The following DHX57 variants were observed in gnomAD, a reference collection of about 807,000 sequenced individuals.
DHX57 encodes putative ATP-dependent RNA helicase DHX57.
A neutral mutation model predicts 156.2 loss-of-function variants in DHX57; 105 were observed. The ratio of observed to expected loss-of-function variants is 0.67; its 90% confidence interval spans 0.57 to 0.79. DHX57 has a LOEUF of 0.79. DHX57 is among the 30% of genes least tolerant of loss of function. The pLI, the probability that DHX57 is intolerant of heterozygous loss-of-function variation, is 0.00. For missense variants in DHX57, 1,847 were observed against 1,661.9 expected, an observed-to-expected ratio of 1.11 and a Z score of -1.94; for synonymous variants, 704 against 595.6, an observed-to-expected ratio of 1.18 and a Z score of -2.65.
intron 12 of DHX57, among the ~76,000 whole-genome samples, chr2:38,840,417 G>T (rs1671925039): frequency 6.8e-6 from 1 of 146,004 alleles, no homozygotes; most frequent in South Asian, 2.2e-4. Flanking sequence ...GTCTTGCTCT[G>T]TTGCCCAGGC....
intron 4 of DHX57, 111 bp from the exon 5 acceptor site, chr2:38,861,948 G>C: frequency 7.7e-7 from 1 of 1,291,810 alleles, no homozygotes; most frequent in Admixed American, 2.7e-5. Context: ...CATAGGCAGG[G>C]CTTGTATTTT....
intron 11 of DHX57, among the ~76,000 whole-genome samples, chr2:38,845,315 C>T (rs1672213508): frequency 6.6e-6 from 1 of 151,986 alleles, no homozygotes; most frequent in Non-Finnish European, 1.5e-5. Flanking sequence ...AACTCATATT[C>T]AATGGTAGTG....
intron 8 of DHX57, chr2:38,854,382 C>T (rs1672771163): frequency 2.5e-6 from 1 of 398,146 alleles, no homozygotes; most frequent in African/African-American, 2.1e-5. Context: ...TTAAGATTTT[C>T]ATAAAAAGCA....
chr2:38,805,273 C>T (rs1012256495), intron 22 of DHX57, among the ~76,000 whole-genome samples: 1 of 152,136 alleles, frequency 6.6e-6, no homozygotes, highest in Admixed American at 6.5e-5. Flanking sequence ...CCTTTCCAGG[C>T]TTTGTGAACA....
chr2:38,824,660 G>T (rs3099978), intron 16 of DHX57, among the ~76,000 whole-genome samples: 137,719 of 151,720 alleles, frequency 0.91, 64,036 homozygotes, highest in South Asian at 1. Flanking sequence ...TTTATTTTTT[G>T]GGGGGGTATA....
At chr2:38,826,948 T>C (rs943429782) in intron 14 of DHX57, among the ~76,000 whole-genome samples, 2 of 151,980 alleles carry the variant, frequency 1.3e-5, no homozygotes, top group Non-Finnish European at 2.9e-5. Context: ...CTAGCCAACA[T>C]GGTGAAACCT....
At chr2:38,832,436 C>CA (rs1224337796) in intron 13 of DHX57, among the ~76,000 whole-genome samples, 3 of 149,284 alleles carry the variant, frequency 2.0e-5, no homozygotes, top group African/African-American at 4.9e-5. Flanking sequence ...GACTCTGTCT[C>CA]AAAAAAAAGA....
At chr2:38,804,657 ACC>A (rs1190618296) in intron 22 of DHX57, among the ~76,000 whole-genome samples, 1 of 139,758 alleles carries the variant, frequency 7.2e-6, no homozygotes, top group East Asian at 2.5e-4. Flanking sequence ...TGCATCTCCC[ACC>A]ACTCTCACCC....
chr2:38,815,484 A>G, intron 20 of DHX57, 37 bp downstream of exon 20: 1 of 1,613,344 alleles, frequency 6.2e-7, no homozygotes, highest in South Asian at 1.1e-5. Flanking sequence ...TTAGGTGCTA[A>G]TTAAAGAGAA....
chr2:38,862,203 C>T lies in DHX57; in HGVS notation c.514G>A (p.Val172Met). ...GTAAATTCTGGAACATAAGGCTCCA[C>T]TGAGGCTAAGCCAGCATATTCCAAA... is the stretch of plus-strand genomic sequence containing the variant. The part of the protein sequence containing the change: ...DPLEYAGLAS[V>M]EPYVPEFTVS... Residue 172 changes from valine to methionine, a missense_variant, in exon 4 of 24, where the codon GTG becomes ATG. Transcript: ENST00000457308. 6.2e-7 allele frequency: 1 copy of T among 1,613,660 alleles called. No homozygotes were observed. The highest frequency in any genetic ancestry group is 8.5e-7 in the Non-Finnish European group (1 of 1,179,700).
intron 13 of DHX57, among the ~76,000 whole-genome samples, chr2:38,832,116 A>G (rs1047495716): frequency 5.3e-5 from 8 of 152,056 alleles, no homozygotes; most frequent in African/African-American, 1.9e-4. Context: ...GCATTTAAAT[A>G]ATTTTATATG....
intron 19 of DHX57, among the ~76,000 whole-genome samples, chr2:38,818,292 C>CA (rs1376828156): frequency 6.6e-6 from 1 of 152,076 alleles, no homozygotes; most frequent in Non-Finnish European, 1.5e-5. Flanking sequence ...TTTGGGTGGC[C>CA]AAGGTGGGCG....
chr2:38,827,218 C>A (rs1671132265), intron 14 of DHX57, among the ~76,000 whole-genome samples: 1 of 151,710 alleles, frequency 6.6e-6, no homozygotes, highest in South Asian at 2.1e-4. Context: ...GAACCAAAAA[C>A]CTCATACCAA....
intron 13 of DHX57, among the ~76,000 whole-genome samples, chr2:38,835,735 G>A (rs1367905913): frequency 1.3e-5 from 2 of 152,150 alleles, no homozygotes; most frequent in Non-Finnish European, 2.9e-5. Context: ...AAGATGCCAC[G>A]GTTGTTATTG....
intron 17 of DHX57, among the ~76,000 whole-genome samples, chr2:38,822,420 G>A (rs1670870448): frequency 6.7e-6 from 1 of 148,746 alleles, no homozygotes; most frequent in Non-Finnish European, 1.5e-5. Context: ...TTTTTTAGAC[G>A]GAGCCTTGCT....
At chr2:38,799,750 CAAAAAAAAA>C (rs34097778) in intron 23 of DHX57, among the ~76,000 whole-genome samples, 1 of 99,114 alleles carries the variant, frequency 1.0e-5, no homozygotes, top group Non-Finnish European at 1.9e-5. Flanking sequence ...AACTCCATCT[CAAAAAAAAA>C]AAAAAAAAAA....
At chr2:38,834,002 G>T (rs1186521582) in intron 13 of DHX57, among the ~76,000 whole-genome samples, 1 of 152,098 alleles carries the variant, frequency 6.6e-6, no homozygotes, top group African/African-American at 2.4e-5. Flanking sequence ...GGCGCCATTT[G>T]CATCTAGAGA....
Position 38,861,337 on chromosome 2 carries a change from C to T in DHX57, c.1073G>A (p.Arg358Gln), listed in dbSNP as rs537520504. The T allele has an allele frequency of 3.9e-5, 63 of 1,613,538 alleles. No homozygotes were observed. Among genetic ancestry groups the T allele is most frequent in the African/African-American group, 6.7e-5 (5 of 74,916 alleles). ...DASFLYELEI[R>Q]FSKDHKYPYQ... ...GGGATATTTGTGGTCTTTAGAAAAT[C>T]GAATTTCAAGTTCATATAAAAAAGA... is the stretch of plus-strand genomic sequence containing the variant. Residue 358 changes from arginine (R) to glutamine (Q), a missense_variant, in exon 5 of 24, where the codon CGA becomes CAA. Physicochemically the swap from Arg to Gln is conservative, Grantham distance 43. Transcript: ENST00000457308.
intron 1 of DHX57, among the ~76,000 whole-genome samples, chr2:38,873,462 T>C (rs1158403967): frequency 1.3e-5 from 2 of 152,364 alleles, no homozygotes; most frequent in East Asian, 1.9e-4. Flanking sequence ...ATTATACATA[T>C]GTATTCAGAG....
Sources: allele counts gnomAD v4.1 joint callset (sites outside exome capture counted in the v4.1 genomes callset), GRCh38; gene constraint gnomAD v4.1.1; transcripts MANE v1.5; gene names NCBI Gene and HGNC (gene_info 2026-07-23, HGNC 2026-07-21).